Variants in TMEM132D observed in about 807,000 individuals in gnomAD.
TMEM132D encodes the protein mature OL transmembrane protein.
A neutral mutation model predicts 62.3 loss-of-function variants in TMEM132D; 21 were observed. That is an observed-to-expected ratio of 0.34 (90% CI 0.24 to 0.49). The LOEUF is 0.49. TMEM132D is among the 20% of genes least tolerant of loss of function. TMEM132D has a pLI of 0.99. For missense variants in TMEM132D, 1,346 were observed against 1,402.8 expected (o/e 0.96, Z 0.65); for synonymous variants, 621 against 575.6 (o/e 1.08, Z -1.13).
intron 3 of TMEM132D, among the ~76,000 whole-genome samples, chr12:129,484,228 C>T (rs1315800158): frequency 6.6e-6 from 1 of 152,106 alleles, no homozygotes; most frequent in Non-Finnish European, 1.5e-5. Flanking sequence ...CCTTGGCCTC[C>T]CAAAGTGCTG....
intron 3 of TMEM132D, among the ~76,000 whole-genome samples, chr12:129,526,353 C>T (rs1286870019): frequency 2.0e-5 from 3 of 152,218 alleles, no homozygotes; most frequent in Admixed American, 6.5e-5. Context: ...GGCATGATCT[C>T]GGCTCACCTC....
chr12:129,752,285 A>G (rs1365874492), intron 1 of TMEM132D, among the ~76,000 whole-genome samples: 1 of 152,218 alleles, frequency 6.6e-6, no homozygotes, highest in Non-Finnish European at 1.5e-5. Flanking sequence ...ATCGGAATAT[A>G]ACTGAAAACA....
intron 2 of TMEM132D, among the ~76,000 whole-genome samples, chr12:129,669,398 C>A: frequency 6.6e-6 from 1 of 152,112 alleles, no homozygotes; most frequent in East Asian, 1.9e-4. Context: ...GCTTTCAAAT[C>A]TTTGCTTTTA....
At chr12:129,393,386 T>C (rs929492615) in intron 3 of TMEM132D, among the ~76,000 whole-genome samples, 1 of 152,240 alleles carries the variant, frequency 6.6e-6, no homozygotes, top group Non-Finnish European at 1.5e-5. Context: ...ACTGGTTTAA[T>C]GGATCAAAAT....
chr12:129,485,849 G>A (rs1223168108), intron 3 of TMEM132D, among the ~76,000 whole-genome samples: 2 of 90,546 alleles, frequency 2.2e-5, no homozygotes, highest in African/African-American at 7.8e-5. Context: ...ATTTGTCATG[G>A]TGGGAGAACA....
intron 4 of TMEM132D, among the ~76,000 whole-genome samples, chr12:129,235,623 C>T (rs1289206845): frequency 6.6e-6 from 1 of 152,024 alleles, no homozygotes; most frequent in African/African-American, 2.4e-5. Context: ...ATTTAGTCGG[C>T]CTCATTTAGG....
intron 4 of TMEM132D, among the ~76,000 whole-genome samples, chr12:129,332,323 TA>T (rs1376356089): frequency 6.6e-6 from 1 of 151,726 alleles, no homozygotes; most frequent in Non-Finnish European, 1.5e-5. Context: ...CCCTAGACAT[TA>T]GGGGGAAAAA....
chr12:129,763,867 GTAAAGGAA>G, intron 1 of TMEM132D, among the ~76,000 whole-genome samples: 1 of 152,166 alleles, frequency 6.6e-6, no homozygotes, highest in Admixed American at 6.5e-5. Flanking sequence ...AAGTGCTCAG[GTAAAGGAA>G]CAGGAACCAA....
chr12:129,298,222 G>A lies in TMEM132D; in HGVS notation c.1299+39412C>T, dbSNP rs75069696. 8.0e-3 allele frequency among the ~76,000 whole-genome samples: 1,214 copies of A among 152,222 alleles called. 41 individuals carry two copies. The highest frequency in any genetic ancestry group is 0.053 in the Admixed American group (807 of 15,286). On this transcript the variant is annotated intron_variant, in intron 4 of 8. Coordinates refer to ENST00000422113, the MANE Select transcript of TMEM132D (RefSeq NM_133448.3). ...ATGATCAATGTCTATCATAAGCAAC[G>A]ACAGGCTTGAGGAAGACTGAATTCT...
chr12:129,400,162 G>C (rs143157023), intron 3 of TMEM132D, among the ~76,000 whole-genome samples: 2 of 152,080 alleles, frequency 1.3e-5, no homozygotes, highest in African/African-American at 4.8e-5. Flanking sequence ...CCAGAAATAA[G>C]TGAGGCCCCA....
chr12:129,686,725 G>T (rs927552482), intron 2 of TMEM132D, among the ~76,000 whole-genome samples: 5 of 152,130 alleles, frequency 3.3e-5, no homozygotes, highest in Non-Finnish European at 7.3e-5. Context: ...ACTTCCTAAA[G>T]CCACAATGGA....
chr12:129,596,218 T>G (rs1000169464), intron 2 of TMEM132D, among the ~76,000 whole-genome samples: 4 of 152,166 alleles, frequency 2.6e-5, no homozygotes, highest in Non-Finnish European at 5.9e-5. Flanking sequence ...AAGTAGCTGA[T>G]CTATAGCTCT....
At position 129,696,961 on chromosome 12, in the gene TMEM132D, TTTC is replaced by T. The variant is rs1881222103; in HGVS notation, c.968+2846_968+2848del. 2.0e-5 allele frequency among the ~76,000 whole-genome samples: 3 copies of T among 152,148 alleles called. No homozygotes were observed. The South Asian group carries it at 6.2e-4, about 32-fold the overall frequency. On this transcript the variant is annotated intron_variant, in intron 2 of 8. Transcript: ENST00000422113. Reference sequence around the variant, plus strand: ...AGATGACAAAAAGCCCCACCTGGGTTTTCTTGTTCTTAAAGAGTGAAACACACA... The same window carrying T: ...AGATGACAAAAAGCCCCACCTGGGTTTTGTTCTTAAAGAGTGAAACACACA...
intron 2 of TMEM132D, among the ~76,000 whole-genome samples, chr12:129,657,036 T>C (rs571461678): frequency 2.5e-4 from 38 of 152,342 alleles, no homozygotes; most frequent in Non-Finnish European, 5.3e-4. Flanking sequence ...TGAACTGAAA[T>C]ATCATATGTG....
chr12:129,409,389 C>T (rs1449218673), intron 3 of TMEM132D, among the ~76,000 whole-genome samples: 1 of 152,208 alleles, frequency 6.6e-6, no homozygotes, highest in Admixed American at 6.5e-5. Flanking sequence ...TACACACACA[C>T]ACATGCACGC....
chr12:129,106,193 C>T (rs1428775130), intron 5 of TMEM132D, among the ~76,000 whole-genome samples: 1 of 150,000 alleles, frequency 6.7e-6, no homozygotes, highest in African/African-American at 2.5e-5. Flanking sequence ...CGCATATTCT[C>T]ACTCACAGGT....
chr12:129,439,450 T>C (rs1176622791), intron 3 of TMEM132D, among the ~76,000 whole-genome samples: 1 of 152,158 alleles, frequency 6.6e-6, no homozygotes, highest in Non-Finnish European at 1.5e-5. Flanking sequence ...TTGTTTTTTG[T>C]TTTTTATTTT....
At chr12:129,600,085 C>T (rs916528319) in intron 2 of TMEM132D, among the ~76,000 whole-genome samples, 2 of 152,364 alleles carry the variant, frequency 1.3e-5, no homozygotes, top group African/African-American at 2.4e-5. Context: ...CACAGCAGAA[C>T]GTCCTTCAAA....
At position 129,463,469 on chromosome 12, in the gene TMEM132D, TGTA is replaced by T. The variant is rs771212835; in HGVS notation, c.1115+67587_1115+67589del. Reference sequence around the variant, plus strand: ...ATTTATTTATTTATTTATTTATTTATGTATTATTATTATTATTATTATACTTTA... The same window carrying T: ...ATTTATTTATTTATTTATTTATTTATTTATTATTATTATTATTATACTTTA... On this transcript the variant is annotated intron_variant, in intron 3 of 8. Transcript: ENST00000422113. Among the ~76,000 whole-genome samples the T allele has an allele frequency of 1.4e-3, 153 of 107,654 alleles. 1 individual carries two copies. The East Asian group carries it at 0.032, about 22-fold the overall frequency. The allele number at this position is 107,654 out of a possible 152,430, so 70.6% of individuals were successfully genotyped here.
Sources: allele counts gnomAD v4.1 joint callset (sites outside exome capture counted in the v4.1 genomes callset), GRCh38; gene constraint gnomAD v4.1.1; transcripts MANE v1.5; gene names NCBI Gene and HGNC (gene_info 2026-07-23, HGNC 2026-07-21).